The following FAM114A1 variants were observed in gnomAD, a reference collection of about 807,000 sequenced individuals.
The protein encoded by FAM114A1 is protein NOXP20.
A neutral mutation model predicts 64.3 loss-of-function variants in FAM114A1; 62 were observed. The observed-to-expected ratio is 0.96, with a 90% CI of 0.79 to 1.19. The LOEUF is 1.19. Ranked by LOEUF, FAM114A1 falls within the 50% of genes most tolerant of loss-of-function variation. The pLI, the probability that FAM114A1 is intolerant of heterozygous loss-of-function variation, is 0.00. For missense variants in FAM114A1, 645 were observed against 676.3 expected, an observed-to-expected ratio of 0.95 and a Z score of 0.51; for synonymous variants, 254 against 251.1, an observed-to-expected ratio of 1.01 and a Z score of -0.11.
chr4:38,910,187 C>T (rs777518579), intron 7 of FAM114A1, among the ~76,000 whole-genome samples: 2 of 150,750 alleles, frequency 1.3e-5, no homozygotes, highest in Admixed American at 1.3e-4. Context: ...TACAGTGAGC[C>T]GAGATTGTGC....
At chr4:38,881,972 C>T (rs1015982370) in intron 3 of FAM114A1, among the ~76,000 whole-genome samples, 1 of 151,866 alleles carries the variant, frequency 6.6e-6, no homozygotes, top group Non-Finnish European at 1.5e-5. Flanking sequence ...CCTATTTGAC[C>T]CCATGTACAT....
chr4:38,936,259 AT>A lies in FAM114A1; in HGVS notation c.1536+477del, dbSNP rs571402501. ...AGGCGCCCGCCACCACACCCGGCTA[AT>A]TTTTTTTATATTTTTAGTAGAGACA... On this transcript the variant is annotated intron_variant, in intron 13 of 14. Transcript: ENST00000358869. 6.7e-3 allele frequency among the ~76,000 whole-genome samples: 1,009 copies of A among 150,852 alleles called. 18 individuals carry two copies. The highest frequency in any genetic ancestry group is 0.053 in the South Asian group (252 of 4,776).
Position 38,943,597 on chromosome 4 carries a change from G to T in FAM114A1, c.*40G>T, listed in dbSNP as rs759010686. The T allele has an allele frequency of 9.0e-6, 14 of 1,563,438 alleles. No homozygotes were observed. The highest frequency in any genetic ancestry group is 5.0e-5 in the Admixed American group (3 of 59,790). ...ATCTAGTTAAAGGAGACAGCTGGCCGCCTTGCCTCAATATGTACCATTTAA... is the reference window on the plus strand; with the variant it reads ...ATCTAGTTAAAGGAGACAGCTGGCCTCCTTGCCTCAATATGTACCATTTAA... On this transcript the variant is annotated 3_prime_UTR_variant, in exon 15 of 15. Coordinates refer to ENST00000358869, the MANE Select transcript of FAM114A1 (RefSeq NM_138389.4).
chr4:38,889,539 C>A (rs992452269), intron 3 of FAM114A1, among the ~76,000 whole-genome samples: 3 of 152,200 alleles, frequency 2.0e-5, no homozygotes, highest in African/African-American at 7.2e-5. Context: ...TGAATTATTT[C>A]TTTTGATCTT....
intron 14 of FAM114A1, 84 bp from the exon 15 acceptor site, chr4:38,943,372 G>A (rs756298055): frequency 8.5e-7 from 1 of 1,173,692 alleles, no homozygotes; most frequent in South Asian, 1.3e-5. Context: ...GTGGGTTGAA[G>A]AGTGGGAACA....
intron 2 of FAM114A1, among the ~76,000 whole-genome samples, chr4:38,873,413 C>T (rs545414714): frequency 2.0e-4 from 31 of 152,268 alleles, no homozygotes; most frequent in African/African-American, 7.0e-4. Context: ...ACTCAACAGG[C>T]ATATTTGTTG....
At chr4:38,921,551 C>T (rs1488734899) in intron 8 of FAM114A1, among the ~76,000 whole-genome samples, 3 of 152,206 alleles carry the variant, frequency 2.0e-5, no homozygotes, top group African/African-American at 7.2e-5. Context: ...GGTGAACCAC[C>T]ATGCCTGGCC....
chr4:38,882,363 C>G (rs757569586), intron 3 of FAM114A1, among the ~76,000 whole-genome samples: 1 of 147,298 alleles, frequency 6.8e-6, no homozygotes, highest in African/African-American at 2.5e-5. Context: ...GGTGCAGTGG[C>G]TCACACCTGT....
chr4:38,929,182 C>T, intron 9 of FAM114A1, 60 bp from the exon 10 acceptor site: 1 of 1,336,378 alleles, frequency 7.5e-7, no homozygotes, highest in Non-Finnish European at 1.1e-6. Context: ...GTTGGGGGAG[C>T]TGCCACATCC....
intron 4 of FAM114A1, among the ~76,000 whole-genome samples, chr4:38,902,945 GCA>G (rs1370921973): frequency 6.6e-6 from 1 of 151,926 alleles, no homozygotes; most frequent in African/African-American, 2.4e-5. Context: ...GTAAGGTGTG[GCA>G]CAGTGTCTAA....
chr4:38,890,944 A>C (rs1391490055), intron 3 of FAM114A1, among the ~76,000 whole-genome samples: 2 of 152,232 alleles, frequency 1.3e-5, no homozygotes, highest in Non-Finnish European at 2.9e-5. Flanking sequence ...TCAGGAATCC[A>C]AACAGCAGCT....
In FAM114A1 at chr4:38,944,717, G is replaced by C. The variant is rs1016889243; in HGVS notation, c.*1160G>C. 6.6e-6 allele frequency: 1 copy of C among 152,142 alleles called. No homozygotes were observed. 9.4% of individuals were successfully genotyped at this position (152,142 alleles called of 1,614,324 possible). ...GAACCCTGTTGTGAACTGCACATGC[G>C]AGGGATCTAGGTTGTGCACTCCTTA... On this transcript the variant is annotated 3_prime_UTR_variant, in exon 15 of 15. Coordinates refer to ENST00000358869, the MANE Select transcript of FAM114A1 (RefSeq NM_138389.4).
At position 38,920,328 on chromosome 4, in the gene FAM114A1, G is replaced by A. The variant is rs146266505; in HGVS notation, c.946-2442G>A. 4.5e-3 allele frequency among the ~76,000 whole-genome samples: 678 copies of A among 152,188 alleles called. 8 individuals carry two copies. The highest frequency in any genetic ancestry group is 0.015 in the African/African-American group (637 of 41,520). On this transcript the variant is annotated intron_variant, in intron 8 of 14. Transcript: ENST00000358869. ...CTCCTTTCAAGGAAAAGATTTATAAGACAGCCTCTCTACCCTGTGTCCTGA... is the reference window on the plus strand; with the variant it reads ...CTCCTTTCAAGGAAAAGATTTATAAAACAGCCTCTCTACCCTGTGTCCTGA...
chr4:38,874,850 A>G (rs766539095), intron 2 of FAM114A1, among the ~76,000 whole-genome samples: 3 of 152,122 alleles, frequency 2.0e-5, no homozygotes, highest in African/African-American at 4.8e-5. Context: ...TTATTTTTGT[A>G]TATGGTATAA....
At chr4:38,877,827 C>T (rs112339360) in intron 2 of FAM114A1, among the ~76,000 whole-genome samples, 36 of 151,880 alleles carry the variant, frequency 2.4e-4, no homozygotes, top group Middle Eastern at 6.8e-3. Context: ...AGCCAGGCGT[C>T]GTGGCACATG....
intron 9 of FAM114A1, among the ~76,000 whole-genome samples, chr4:38,924,150 A>G (rs1315025927): frequency 6.8e-6 from 1 of 146,080 alleles, no homozygotes; most frequent in Admixed American, 6.7e-5. Flanking sequence ...TCACTTGTAA[A>G]ATGGAGACAA....
chr4:38,915,138 C>G (rs1466862915), intron 8 of FAM114A1, 65 bp downstream of exon 8: 1 of 1,564,766 alleles, frequency 6.4e-7, no homozygotes, highest in Admixed American at 1.9e-5. Flanking sequence ...ATGAAAGAAA[C>G]TGGAAAATCT....
chr4:38,922,649 C>T, intron 8 of FAM114A1, 121 bp from the exon 9 acceptor site: 4 of 1,296,830 alleles, frequency 3.1e-6, no homozygotes, highest in Non-Finnish European at 4.2e-6. Flanking sequence ...CAACATTCAA[C>T]CCAGCGATAC....
rs17501308 is a variant in FAM114A1, at chr4:38,905,601, A to G, written c.516A>G (p.Gly172=). 2,332 of 1,614,176 alleles carry G rather than the reference A, an allele frequency of 1.4e-3. 30 individuals are homozygous for G. In the African/African-American group the frequency reaches 0.024, roughly 17 times the overall value. Residue 172 remains glycine (G), a synonymous_variant, in exon 5 of 15, where the codon GGA becomes GGG. Coordinates refer to ENST00000358869, the MANE Select transcript of FAM114A1 (RefSeq NM_138389.4). ...GTGTAAATTCTGGATCTTCTGAAGGAGCCCAACCAAATACTGAAAACGGAG... is the reference window on the plus strand; with the variant it reads ...GTGTAAATTCTGGATCTTCTGAAGGGGCCCAACCAAATACTGAAAACGGAG... The part of the protein sequence containing the change: ...IHGVNSGSSE[G]AQPNTENGVP...
Sources: allele counts gnomAD v4.1 joint callset (sites outside exome capture counted in the v4.1 genomes callset), GRCh38; gene constraint gnomAD v4.1.1; transcripts MANE v1.5; gene names NCBI Gene and HGNC (gene_info 2026-07-23, HGNC 2026-07-21).